PTPRD: variants seen among roughly 807,000 people sequenced by gnomAD.
The protein encoded by PTPRD is receptor-type tyrosine-protein phosphatase delta.
PTPRD carries 34 observed loss-of-function variants against 214.5 expected under a neutral mutation model. The observed-to-expected ratio is 0.16, with a 90% CI of 0.12 to 0.21. The LOEUF (loss-of-function observed/expected upper bound fraction) is 0.21. PTPRD is among the 10% of genes least tolerant of loss of function. The pLI, the probability that PTPRD is intolerant of heterozygous loss-of-function variation, is 1.00. For missense variants in PTPRD, 2,545 were observed against 2,398.7 expected (o/e 1.06, Z -1.27); for synonymous variants, 1,128 against 845.7 (o/e 1.33, Z -5.79).
intron 7 of PTPRD, among the ~76,000 whole-genome samples, chr9:9,682,044 C>T (rs1361112599): frequency 1.3e-5 from 2 of 151,784 alleles, no homozygotes; most frequent in Admixed American, 6.6e-5. Flanking sequence ...CTGACAATCT[C>T]GTTAAACTGC....
At chr9:9,440,865 T>G (rs921422759) in intron 8 of PTPRD, among the ~76,000 whole-genome samples, 15 of 152,154 alleles carry the variant, frequency 9.9e-5, no homozygotes, top group Non-Finnish European at 2.1e-4. Context: ...TTTTCTGAGT[T>G]GGAGTTTAGA....
chr9:8,848,774 C>T (rs944877091), intron 11 of PTPRD, among the ~76,000 whole-genome samples: 2 of 125,442 alleles, frequency 1.6e-5, no homozygotes, highest in Admixed American at 7.2e-5. Context: ...AAATCTTGAC[C>T]CTATGTTCCA....
intron 9 of PTPRD, among the ~76,000 whole-genome samples, chr9:9,318,052 T>A (rs1964271212): frequency 2.0e-5 from 3 of 152,096 alleles, no homozygotes; most frequent in South Asian, 4.2e-4. Context: ...ATGCCTGTAA[T>A]CCCAGCTACT....
intron 11 of PTPRD, among the ~76,000 whole-genome samples, chr9:8,815,340 C>A (rs2096899263): frequency 6.6e-6 from 1 of 152,076 alleles, no homozygotes; most frequent in Non-Finnish European, 1.5e-5. Context: ...CCAAAATAAT[C>A]CACAAAATCC....
Position 9,560,820 on chromosome 9 carries a change from C to T in PTPRD, c.-237+13912G>A, listed in dbSNP as rs894211624. ...AGCAGCTTACTTTCACACTGTCCGCCCTGTCTTGGCTGCTTGAGCCAGCTG... is the reference window on the plus strand; with the variant it reads ...AGCAGCTTACTTTCACACTGTCCGCTCTGTCTTGGCTGCTTGAGCCAGCTG... On this transcript the variant is annotated intron_variant, in intron 8 of 45. Transcript: ENST00000381196. Among the ~76,000 whole-genome samples, 5 of 152,124 alleles carry T rather than the reference C, an allele frequency of 3.3e-5. No individual in the cohort carries two copies. In the South Asian group the frequency reaches 6.2e-4, roughly 19 times the overall value.
chr9:8,437,373 T>C (rs1432714921), intron 34 of PTPRD: 4 of 667,374 alleles, frequency 6.0e-6, no homozygotes, highest in Admixed American at 2.9e-5. Context: ...TCACTATACA[T>C]TGTGGCTAGT....
At chr9:10,189,717 A>G (rs2099354068) in intron 3 of PTPRD, among the ~76,000 whole-genome samples, 1 of 152,198 alleles carries the variant, frequency 6.6e-6, no homozygotes, top group South Asian at 2.1e-4. Context: ...TAAAAGGGCA[A>G]TTACAAGGCA....
chr9:8,408,861 G>A (rs1197505329), intron 35 of PTPRD, among the ~76,000 whole-genome samples: 1 of 139,472 alleles, frequency 7.2e-6, no homozygotes, highest in Non-Finnish European at 1.5e-5. Flanking sequence ...TGACCCAATA[G>A]AAGAAAAAAT....
intron 4 of PTPRD, among the ~76,000 whole-genome samples, chr9:9,959,348 A>G (rs2094183897): frequency 6.6e-6 from 1 of 152,154 alleles, no homozygotes; most frequent in Non-Finnish European, 1.5e-5. Flanking sequence ...AGGAAGGAAG[A>G]GGGGTAAATA....
At chr9:10,484,243 A>C (rs778639207) in intron 2 of PTPRD, among the ~76,000 whole-genome samples, 1 of 152,090 alleles carries the variant, frequency 6.6e-6, no homozygotes, top group Non-Finnish European at 1.5e-5. Context: ...GAGTTAAGCT[A>C]TGGGTACACG....
At chr9:9,638,095 G>C (rs575826106) in intron 7 of PTPRD, among the ~76,000 whole-genome samples, 8 of 152,182 alleles carry the variant, frequency 5.3e-5, no homozygotes, top group African/African-American at 1.9e-4. Context: ...ATAATATCAG[G>C]CTGCCTTCTA....
At chr9:9,544,468 T>C (rs888109837) in intron 8 of PTPRD, among the ~76,000 whole-genome samples, 3 of 151,656 alleles carry the variant, frequency 2.0e-5, no homozygotes, top group Non-Finnish European at 4.4e-5. Context: ...AATTAAGATA[T>C]ATTTATTTCA....
At chr9:9,245,730 T>C (rs186944244) in intron 9 of PTPRD, among the ~76,000 whole-genome samples, 63 of 152,280 alleles carry the variant, frequency 4.1e-4, no homozygotes, top group African/African-American at 1.2e-3. Context: ...GTAACAAACC[T>C]GCACGTTGTG....
intron 4 of PTPRD, among the ~76,000 whole-genome samples, chr9:10,028,966 GC>G (rs1379537274): frequency 6.6e-6 from 1 of 152,078 alleles, no homozygotes; most frequent in African/African-American, 2.4e-5. Context: ...GCAGGGTGGG[GC>G]CCAGGGTCCC....
At chr9:9,477,727 T>C (rs1014700740) in intron 8 of PTPRD, among the ~76,000 whole-genome samples, 1 of 152,192 alleles carries the variant, frequency 6.6e-6, no homozygotes, top group Non-Finnish European at 1.5e-5. Flanking sequence ...TGGTCACTTA[T>C]TACATTATAT....
At chr9:8,356,732 G>T (rs7021505) in intron 39 of PTPRD, among the ~76,000 whole-genome samples, 2,803 of 152,292 alleles carry the variant, frequency 0.018, 36 homozygotes, top group Non-Finnish European at 0.028. Context: ...CTCAGCTGCA[G>T]GCAGGCTGAT....
chr9:9,506,539 T>C (rs1243297752), intron 8 of PTPRD, among the ~76,000 whole-genome samples: 1 of 151,416 alleles, frequency 6.6e-6, no homozygotes, highest in Non-Finnish European at 1.5e-5. Flanking sequence ...GGGAAAGTTT[T>C]GTTTAAATAA....
In PTPRD at chr9:9,391,078, A is replaced by T. The variant is rs899740992; in HGVS notation, c.-203+6371T>A. Among the ~76,000 whole-genome samples, 3 of 152,166 alleles carry T rather than the reference A, an allele frequency of 2.0e-5. No individual in the cohort carries two copies. The South Asian group carries it at 6.2e-4, about 32-fold the overall frequency. On this transcript the variant is annotated intron_variant, in intron 9 of 45. Transcript: ENST00000381196. ...GCATTAAGTGCACTAATTGACTTTT[A>T]AATCTATTTAATTTTCAGAAATGTC...
At chr9:9,958,985 A>C (rs539255899) in intron 4 of PTPRD, among the ~76,000 whole-genome samples, 1 of 152,318 alleles carries the variant, frequency 6.6e-6, no homozygotes, top group East Asian at 1.9e-4. Flanking sequence ...AAAATCAAAC[A>C]ATCTTGCTCC....
Sources: gnomAD v4.1 joint callset for allele counts (sites outside exome capture counted in the v4.1 genomes callset) on GRCh38, gnomAD v4.1.1 for gene constraint, MANE v1.5 for transcripts, NCBI Gene and HGNC (gene_info 2026-07-23, HGNC 2026-07-21) for gene names.